Variants in TNRC18 observed in about 807,000 individuals in gnomAD.
TNRC18 encodes trinucleotide repeat containing 18.
A neutral mutation model predicts 226.7 loss-of-function variants in TNRC18; 69 were observed. The ratio of observed to expected loss-of-function variants is 0.30; its 90% CI spans 0.25 to 0.37. TNRC18 has a LOEUF of 0.37. Among genes scored for constraint, TNRC18 ranks in the 10% least tolerant of loss-of-function variants. The pLI, the probability that TNRC18 is intolerant of heterozygous loss-of-function variation, is 1.00. For missense variants in TNRC18, 4,754 were observed against 4,256.6 expected (o/e 1.12, Z -3.25); for synonymous variants, 2,449 against 1,927.6 (o/e 1.27, Z -7.09).
chr7:5,391,990 C>G (rs13243906), intron 3 of TNRC18, among the ~76,000 whole-genome samples: 60,701 of 151,388 alleles, frequency 0.4, 14,472 homozygotes, highest in East Asian at 0.84. Context: ...AATTAGAGAT[C>G]TCTCAGGGAC....
At chr7:5,315,701 C>T (rs1787780940) in intron 25 of TNRC18, among the ~76,000 whole-genome samples, 2 of 152,220 alleles carry the variant, frequency 1.3e-5, no homozygotes, top group Admixed American at 1.3e-4. Flanking sequence ...GGATTACAGG[C>T]GTGAGCCACC....
chr7:5,416,111 CAAAAAAA>C (rs35630581), intron 2 of TNRC18, among the ~76,000 whole-genome samples: 3 of 83,214 alleles, frequency 3.6e-5, no homozygotes, highest in African/African-American at 9.6e-5. Flanking sequence ...GACTCTCTCG[CAAAAAAA>C]AAAAAAAAAA....
In TNRC18 at chr7:5,359,495, G is replaced by A. The variant is rs1476252699; in HGVS notation, c.4736C>T (p.Ser1579Phe). Residue 1579 changes from serine to phenylalanine, a missense_variant, in exon 15 of 30, where the codon TCT (serine) becomes TTT (phenylalanine). Transcript: ENST00000430969. ...GATGAGGGCATCATGTTCCTCCTCAGACCCCTTGTGTCTCTTTCTTATCCC... is the reference window on the plus strand; with the variant it reads ...GATGAGGGCATCATGTTCCTCCTCAAACCCCTTGTGTCTCTTTCTTATCCC... ...GAGIRKRHKG[S>F]EEEHDALIGM... 1.2e-6 allele frequency: 2 copies of A among 1,613,990 alleles called. No homozygotes were observed. Among genetic ancestry groups the A allele is most frequent in the South Asian group, 2.2e-5 (2 of 91,084 alleles).
At position 5,332,710 on chromosome 7, in the gene TNRC18, G is replaced by GCGGGCGCGGTGCTGA; in HGVS notation, c.6044_6058dup (p.Val2015_Pro2019dup). 2 of 1,528,606 alleles carry GCGGGCGCGGTGCTGA rather than the reference G, an allele frequency of 1.3e-6. No individual in the cohort carries two copies. The highest frequency in any genetic ancestry group is 1.8e-6 in the Non-Finnish European group (2 of 1,141,886). 94.7% of individuals were successfully genotyped at this position (1,528,606 alleles called of 1,614,324 possible). A position where few individuals can be genotyped will look rare whatever the true frequency, so the allele number is the denominator to read the frequency against. On this transcript the variant is annotated inframe_insertion, in exon 19 of 30. Coordinates refer to ENST00000430969, the MANE Select transcript of TNRC18 (RefSeq NM_001080495.3). ...CTTGGCGCAGCGGCTGGTCTTGGTG[G>GCGGGCGCGGTGCTGA]CGGGCGCGGTGCTGACGGGCGCAGG...
rs186066374 is a variant in TNRC18, at chr7:5,312,944, A to G, written c.7947T>C (p.Ser2649=). 3.2e-5 allele frequency: 43 copies of G among 1,325,276 alleles called. No homozygotes were observed. Among genetic ancestry groups the G allele is most frequent in the African/African-American group, 2.6e-4 (17 of 64,712 alleles). 82.1% of individuals were successfully genotyped at this position (1,325,276 alleles called of 1,614,324 possible). The change falls in exon 27 of 30, where the codon TCT becomes TCC. Residue 2649 remains serine (S), a synonymous_variant. Coordinates refer to ENST00000430969, the MANE Select transcript of TNRC18 (RefSeq NM_001080495.3). This position sits in a 1 kb window ranked among gnomAD's most constrained non-coding sequence, Gnocchi z 6.3. Reference sequence around the variant, plus strand: ...AGGACGAGGAAGAGGAGGAGGAGGAAGAGGAGGAAGACGAAGAGGAAGAGG... The same window carrying G: ...AGGACGAGGAAGAGGAGGAGGAGGAGGAGGAGGAAGACGAAGAGGAAGAGG... ...SSSSSSSSSS[S]SSSSSSSSSS... is the part of the protein sequence containing the mutation.
In TNRC18 at chr7:5,370,664, G is replaced by C; in HGVS notation, c.3930C>G (p.Pro1310=). 6.2e-7 allele frequency: 1 copy of C among 1,612,750 alleles called. No individual in the cohort carries two copies. Among genetic ancestry groups the C allele is most frequent in the South Asian group, 1.1e-5 (1 of 90,998 alleles). The part of the protein sequence containing the change: ...AGEGQCPSLE[P]QEAVPVLGST... ...TGCCGAGTACAGGCACGGCCTCTTG[G>C]GGCTCCAGGCTCGGGCACTGTCCCT... Residue 1310 remains proline, a synonymous_variant, in exon 11 of 30, where the codon CCC becomes CCG. Coordinates refer to ENST00000430969, the MANE Select transcript of TNRC18 (RefSeq NM_001080495.3).
Position 5,365,616 on chromosome 7 carries a change from T to C in TNRC18, c.4220-2791A>G, listed in dbSNP as rs116785897. On this transcript the variant is annotated intron_variant, in intron 11 of 29. Transcript: ENST00000430969. ...AATGAGTTCTATTATAATTTTTCAA[T>C]TGACATTTCATTTTTTTAATGCACA... 4.1e-3 allele frequency among the ~76,000 whole-genome samples: 629 copies of C among 152,072 alleles called. 4 individuals carry two copies. The highest frequency in any genetic ancestry group is 0.014 in the African/African-American group (595 of 41,484).
chr7:5,353,209 T>C (rs1052424656), intron 16 of TNRC18, among the ~76,000 whole-genome samples: 1 of 152,168 alleles, frequency 6.6e-6, no homozygotes, highest in African/African-American at 2.4e-5. Context: ...CTGGAGAGGC[T>C]AAGTGGGTGA....
intron 1 of TNRC18, among the ~76,000 whole-genome samples, 179 bp from the exon 2 acceptor site, chr7:5,421,668 C>G (rs1782595046): frequency 6.6e-6 from 1 of 152,218 alleles, no homozygotes; most frequent in Admixed American, 6.5e-5. Context: ...GAAATCCAAA[C>G]TCCTTCCGCC....
At chr7:5,337,426 G>C (rs1790231329) in intron 18 of TNRC18, among the ~76,000 whole-genome samples, 1 of 151,452 alleles carries the variant, frequency 6.6e-6, no homozygotes, top group South Asian at 2.1e-4. Context: ...GGAGGTTGCA[G>C]TAAGTCAAGA....
Position 5,376,951 on chromosome 7 carries a change from A to G in TNRC18, c.2504T>C (p.Phe835Ser). The G allele has an allele frequency of 2.5e-6, 4 of 1,592,832 alleles. No individual in the cohort carries two copies. Among genetic ancestry groups the G allele is most frequent in the Non-Finnish European group, 3.4e-6 (4 of 1,170,010 alleles). The change falls in exon 8 of 30, where the codon TTC becomes TCC. Residue 835 changes from phenylalanine (F) to serine (S), a missense_variant. Physicochemically the swap from Phe to Ser is radical, Grantham distance 155. Coordinates refer to ENST00000430969, the MANE Select transcript of TNRC18 (RefSeq NM_001080495.3). ...PSLHQGMAPA[F>S]PPGLGGSLPS... ...GAGGGAGCCCCCCAGGCCAGGTGGG[A>G]ACGCAGGGGCCATGCCCTGGTGCAG...
intron 5 of TNRC18, 47 bp downstream of exon 5, chr7:5,387,623 CAG>C (rs758999698): frequency 1.3e-4 from 215 of 1,595,306 alleles, no homozygotes; most frequent in Middle Eastern, 3.3e-4. Flanking sequence ...CGGGAAACGG[CAG>C]AGAGACCCAA....
chr7:5,376,858 A>C lies in TNRC18; in HGVS notation c.2597T>G (p.Leu866Arg). 6.2e-7 allele frequency: 1 copy of C among 1,611,654 alleles called. No homozygotes were observed. The highest frequency in any genetic ancestry group is 2.2e-5 in the East Asian group (1 of 44,820). The change falls in exon 8 of 30, where the codon CTT (leucine) becomes CGT (arginine). Residue 866 changes from leucine (L) to arginine (R), a missense_variant. Leu to Arg is a moderately radical substitution (Grantham distance 102). Coordinates refer to ENST00000430969, the MANE Select transcript of TNRC18 (RefSeq NM_001080495.3). ...GQLVVIPSDH[L>R]PHFAELMERA... ...GAAGGTCCACTTACCAAAGTGAGGA[A>C]GGTGATCACTGGGAATGACCACCAG...
intron 13 of TNRC18, 28 bp downstream of exon 13, chr7:5,361,869 C>G: frequency 1.3e-6 from 2 of 1,526,580 alleles, no homozygotes; most frequent in Non-Finnish European, 1.8e-6. Context: ...GGCAGGGGCC[C>G]CACGGGGCGG....
At chr7:5,362,064 G>T (rs200041531) in intron 12 of TNRC18, 31 bp from the exon 13 acceptor site, 2 of 1,607,330 alleles carry the variant, frequency 1.2e-6, no homozygotes, top group African/African-American at 1.3e-5. Context: ...GGAGGAGGGG[G>T]TGAGGATGCC....
chr7:5,383,448 C>T (rs1228583754), intron 5 of TNRC18, among the ~76,000 whole-genome samples: 1 of 152,146 alleles, frequency 6.6e-6, no homozygotes, highest in Non-Finnish European at 1.5e-5. Flanking sequence ...ACTATGTGCC[C>T]GTCAGCCCAC....
At chr7:5,365,946 C>A (rs1029995885) in intron 11 of TNRC18, among the ~76,000 whole-genome samples, 5 of 152,148 alleles carry the variant, frequency 3.3e-5, no homozygotes, top group Non-Finnish European at 7.4e-5. Context: ...TGGCGCATGC[C>A]TATAATGCCA....
At chr7:5,393,007 G>C (rs1213933385) in intron 3 of TNRC18, among the ~76,000 whole-genome samples, 2 of 152,186 alleles carry the variant, frequency 1.3e-5, no homozygotes, top group African/African-American at 2.4e-5. Flanking sequence ...GCAAGACCCT[G>C]TCTCAAAAAA....
rs1376410516 is a variant in TNRC18, at chr7:5,324,207, C to T, written c.6442+7G>A. On this transcript the variant is annotated splice_region_variant and intron_variant, in intron 21 of 29. Transcript: ENST00000430969. This position sits in a 1 kb window ranked among gnomAD's most constrained non-coding sequence, Gnocchi z 4.8. ...CGCCCGGCACATGTGGCATCACGGC[C>T]ACTCACCCGGGGTCAGCGGCCGCTC... 1.9e-6 allele frequency: 3 copies of T among 1,596,338 alleles called. No individual in the cohort carries two copies. The African/African-American group carries it at 4.0e-5, about 21-fold the overall frequency.
Sources: gnomAD v4.1 joint callset for allele counts (sites outside exome capture counted in the v4.1 genomes callset) on GRCh38, gnomAD v4.1.1 for gene constraint, Gnocchi (gnomAD v3.1) non-coding constraint, MANE v1.5 for transcripts, NCBI Gene and HGNC (gene_info 2026-07-23, HGNC 2026-07-21) for gene names.